Variants in DEPDC4 observed in about 807,000 individuals in gnomAD.
DEPDC4 encodes DEP domain-containing protein 4.
Under a neutral mutation model 52.0 loss-of-function variants are expected in DEPDC4, and 52 were observed. The observed-to-expected ratio is 1.00, with a 90% CI of 0.80 to 1.26. The LOEUF is 1.26. DEPDC4 is among the 50% of genes most tolerant of loss of function. DEPDC4 has a pLI of 0.00. For synonymous variants in DEPDC4, 201 were observed against 196.8 expected (o/e 1.02, Z -0.18); for missense variants, 530 against 546.9 (o/e 0.97, Z 0.31).
chr12:100,239,378 T>A (rs1296864826), downstream of DEPDC4, among the ~76,000 whole-genome samples: 3 of 150,852 alleles, frequency 2.0e-5, no homozygotes, highest in African/African-American at 7.3e-5. Flanking sequence ...ACCTGGCCAA[T>A]AATTTTTTTT....
At chr12:100,279,292 T>G in the DEPDC4 span, among the ~76,000 whole-genome samples, 2 of 152,228 alleles carry the variant, frequency 1.3e-5, no homozygotes, top group Non-Finnish European at 1.5e-5. Flanking sequence ...TTCAGGCTCC[T>G]TTGAGAATCT....
chr12:100,274,484 G>A, the DEPDC4 span, among the ~76,000 whole-genome samples: 13 of 152,172 alleles, frequency 8.5e-5, no homozygotes, highest in Admixed American at 2.0e-4. Context: ...TAGATAAGGC[G>A]TGGGTTCTTG....
the DEPDC4 span, among the ~76,000 whole-genome samples, chr12:100,275,069 G>T: frequency 6.6e-6 from 1 of 152,064 alleles, no homozygotes; most frequent in South Asian, 2.1e-4. Context: ...TTCAGTTTCT[G>T]TTAGCAGTAT....
At position 100,256,229 on chromosome 12, in the gene DEPDC4, T is replaced by G. The variant is rs2096231952; in HGVS notation, c.701-3A>C. The G allele has an allele frequency of 6.2e-7, 1 of 1,602,558 alleles. No homozygotes were observed. The highest frequency in any genetic ancestry group is 8.5e-7 in the Non-Finnish European group (1 of 1,171,812). On this transcript the variant is annotated splice_region_variant and splice_polypyrimidine_tract_variant and intron_variant, in intron 3 of 9. Transcript: ENST00000550587. Reference sequence around the variant, plus strand: ...TAATGTTTGTTCTTTCCAAACATCTTGAAAAGGAAAGTAATGCAATGATCA... The same window carrying G: ...TAATGTTTGTTCTTTCCAAACATCTGGAAAAGGAAAGTAATGCAATGATCA...
upstream of DEPDC4, among the ~76,000 whole-genome samples, chr12:100,271,281 AAGAG>A (rs1555315695): frequency 7.8e-6 from 1 of 128,906 alleles, no homozygotes; most frequent in African/African-American, 2.8e-5. Flanking sequence ...AAAAAAAAAA[AAGAG>A]AGAGAGAATA....
At chr12:100,271,543 A>T (rs2096287731), upstream of DEPDC4, among the ~76,000 whole-genome samples, 1 of 152,202 alleles carries the variant, frequency 6.6e-6, no homozygotes, top group South Asian at 2.1e-4. Flanking sequence ...TGCCCCTTTA[A>T]GGGATAAAGC....
chr12:100,260,875 G>A (rs759219914), intron 3 of DEPDC4, among the ~76,000 whole-genome samples: 2 of 147,608 alleles, frequency 1.4e-5, no homozygotes, highest in Non-Finnish European at 3.0e-5. Flanking sequence ...CTGCCTGGGC[G>A]AAAGAGTGAA....
At chr12:100,275,302 A>G in the DEPDC4 span, among the ~76,000 whole-genome samples, 1 of 152,024 alleles carries the variant, frequency 6.6e-6, no homozygotes, top group Non-Finnish European at 1.5e-5. Context: ...CCCAGGTTCA[A>G]GTGATCCTTC....
the DEPDC4 span, among the ~76,000 whole-genome samples, chr12:100,281,809 G>A: frequency 3.3e-5 from 5 of 150,972 alleles, 1 homozygote; most frequent in South Asian, 1.1e-3. Context: ...ACTCCAGCCT[G>A]GGTGACAGAG....
Position 100,241,647 on chromosome 12 carries a change from T to C in DEPDC4, c.*245A>G. 4 of 1,180,798 alleles carry C rather than the reference T, an allele frequency of 3.4e-6. No homozygotes were observed. The highest frequency in any genetic ancestry group is 4.3e-6 in the Non-Finnish European group (4 of 932,708). The allele number at this position is 1,180,798 out of a possible 1,614,324, so 73.1% of individuals were successfully genotyped here. On this transcript the variant is annotated 3_prime_UTR_variant, in exon 10 of 10. Coordinates refer to ENST00000550587, the MANE Select transcript of DEPDC4 (RefSeq NM_001364818.2). Reference sequence around the variant, plus strand: ...CAGAGAATTGTTTATATTTACAAATTGTAGTTTCTTGTATCAGAAATGTTA... The same window carrying C: ...CAGAGAATTGTTTATATTTACAAATCGTAGTTTCTTGTATCAGAAATGTTA...
rs73374454 is a variant in DEPDC4 at position 100,253,245 on chromosome 12, G to A, written c.1105+244C>T. On this transcript the variant is annotated intron_variant, in intron 5 of 9. Coordinates refer to ENST00000550587, the MANE Select transcript of DEPDC4 (RefSeq NM_001364818.2). ...ATCATGTTTCTTAGAATGTCCCTGCGATGTCCCTGTGATGTACTGCCTTAG... is the reference window on the plus strand; with the variant it reads ...ATCATGTTTCTTAGAATGTCCCTGCAATGTCCCTGTGATGTACTGCCTTAG... Among the ~76,000 whole-genome samples the A allele has an allele frequency of 2.8e-3, 433 of 152,210 alleles. 1 individual carries two copies. Among genetic ancestry groups the A allele is most frequent in the African/African-American group, 0.01 (416 of 41,538 alleles).
At chr12:100,281,852 A>G in the DEPDC4 span, among the ~76,000 whole-genome samples, 47 of 151,666 alleles carry the variant, frequency 3.1e-4, no homozygotes, top group African/African-American at 1.1e-3. Context: ...AAAAAAAAAG[A>G]AAGTACAAAT....
At chr12:100,246,611 G>A (rs2096186550) in intron 8 of DEPDC4, among the ~76,000 whole-genome samples, 2 of 152,168 alleles carry the variant, frequency 1.3e-5, no homozygotes, top group Admixed American at 1.3e-4. Context: ...AATCCTGGCT[G>A]TCAGAAGCAT....
At chr12:100,235,923 A>G (rs1381365814), downstream of DEPDC4, among the ~76,000 whole-genome samples, 2 of 152,158 alleles carry the variant, frequency 1.3e-5, no homozygotes, top group African/African-American at 2.4e-5. Context: ...GCTCCCACTT[A>G]TGAAGGAGAA....
At chr12:100,267,357 GA>G (rs2096279008), upstream of DEPDC4, 4 of 332,420 alleles carry the variant, frequency 1.2e-5, no homozygotes, top group South Asian at 5.9e-5. Flanking sequence ...GGGGCGGGGG[GA>G]AAGAGCCCCA....
chr12:100,243,929 T>C (rs962465264), intron 8 of DEPDC4, among the ~76,000 whole-genome samples: 30 of 151,792 alleles, frequency 2.0e-4, no homozygotes, highest in Non-Finnish European at 3.2e-4. Flanking sequence ...TTATATTTCT[T>C]TGGCTTCATG....
At position 100,262,368 on chromosome 12, in the gene DEPDC4, A is replaced by G; in HGVS notation, c.596T>C (p.Ile199Thr). 6.2e-7 allele frequency: 1 copy of G among 1,613,210 alleles called. No homozygotes were observed. Among genetic ancestry groups the G allele is most frequent in the East Asian group, 2.2e-5 (1 of 44,826 alleles). Reference protein sequence around the residue: ...EMISNPLAQEIGEERIEELIH... With the variant: ...EMISNPLAQETGEERIEELIH... Reference sequence around the variant, plus strand: ...AAGTTCCTCAATTCTTTCCTCACCAATCTCCTGTGCTAGAGGATTTGAAAT... The same window carrying G: ...AAGTTCCTCAATTCTTTCCTCACCAGTCTCCTGTGCTAGAGGATTTGAAAT... The change falls in exon 3 of 10, where the codon ATT (isoleucine) becomes ACT (threonine). Residue 199 changes from isoleucine to threonine, a missense_variant. Transcript: ENST00000550587.
intron 3 of DEPDC4, among the ~76,000 whole-genome samples, chr12:100,258,134 C>T (rs1235746687): frequency 5.3e-5 from 8 of 151,226 alleles, no homozygotes; most frequent in African/African-American, 1.9e-4. Flanking sequence ...AAACAAGCAA[C>T]AATAAAACAA....
chr12:100,250,632 C>T (rs1288486940), intron 7 of DEPDC4, among the ~76,000 whole-genome samples: 1 of 152,002 alleles, frequency 6.6e-6, no homozygotes, highest in Non-Finnish European at 1.5e-5. Flanking sequence ...GAGGCAGATT[C>T]ATTTATGTAG....
Sources: gnomAD v4.1 joint callset for allele counts (sites outside exome capture counted in the v4.1 genomes callset) on GRCh38, gnomAD v4.1.1 for gene constraint, MANE v1.5 for transcripts, NCBI Gene and HGNC (gene_info 2026-07-23, HGNC 2026-07-21) for gene names.